QSER1: variants seen among roughly 807,000 people sequenced by gnomAD.
QSER1 encodes glutamine and serine rich 1.
A neutral mutation model predicts 158.5 loss-of-function variants in QSER1; 49 were observed. The observed-to-expected ratio is 0.31, with a 90% CI of 0.25 to 0.39. The LOEUF (loss-of-function observed/expected upper bound fraction) is 0.39, where lower values mean the gene tolerates loss of function less well. Among genes scored for constraint, QSER1 ranks in the 10% least tolerant of loss-of-function variants. QSER1 has a pLI of 1.00. For synonymous variants in QSER1, 650 were observed against 715.5 expected, an observed-to-expected ratio of 0.91 and a Z score of 1.46; for missense variants, 1,754 against 2,010.3, an observed-to-expected ratio of 0.87 and a Z score of 2.44.
At chr11:32,948,280 A>G (rs1852368145) in intron 4 of QSER1, among the ~76,000 whole-genome samples, 1 of 152,250 alleles carries the variant, frequency 6.6e-6, no homozygotes, top group African/African-American at 2.4e-5. Context: ...CATTCACTGG[A>G]AAGCAAGAAA....
At chr11:32,927,595 G>A (rs1285866029) in intron 2 of QSER1, among the ~76,000 whole-genome samples, 1 of 152,084 alleles carries the variant, frequency 6.6e-6, no homozygotes, top group Non-Finnish European at 1.5e-5. Flanking sequence ...TTTTAGTAGA[G>A]GCGGGGTTTC....
chr11:32,911,955 T>G (rs1851772268), intron 1 of QSER1, among the ~76,000 whole-genome samples: 1 of 152,202 alleles, frequency 6.6e-6, no homozygotes, highest in Admixed American at 6.5e-5. Context: ...GATTTGCAGA[T>G]AAGTAACATC....
chr11:32,947,196 C>T (rs992564911), intron 4 of QSER1, among the ~76,000 whole-genome samples: 6 of 152,210 alleles, frequency 3.9e-5, no homozygotes, highest in African/African-American at 9.6e-5. Flanking sequence ...TCTTCTGCGT[C>T]GCTCAGGCTG....
intron 1 of QSER1, among the ~76,000 whole-genome samples, chr11:32,925,502 A>T (rs914332756): frequency 2.2e-4 from 22 of 99,376 alleles, no homozygotes; most frequent in Admixed American, 8.8e-4. Flanking sequence ...TTTTTTATTT[A>T]TTTATTTATT....
At chr11:32,903,098 C>G (rs1264860834) in intron 1 of QSER1, among the ~76,000 whole-genome samples, 1 of 152,082 alleles carries the variant, frequency 6.6e-6, no homozygotes, top group Admixed American at 6.5e-5. Context: ...GATGTTGGGT[C>G]TTTGGGATTT....
At chr11:32,975,399 T>TA (rs1249093267) in intron 12 of QSER1, 56 bp downstream of exon 12, 15 of 1,594,900 alleles carry the variant, frequency 9.4e-6, no homozygotes, top group Non-Finnish European at 1.3e-5. Context: ...AAGGAGACTC[T>TA]AGCCATAGTA....
rs112693833 is a variant in QSER1 at position 32,937,781 on chromosome 11, A to T, written c.4177+2346A>T. Among the ~76,000 whole-genome samples the T allele has an allele frequency of 4.2e-3, 634 of 152,326 alleles. 3 individuals carry two copies. Among genetic ancestry groups the T allele is most frequent in the African/African-American group, 0.014 (579 of 41,570 alleles). ...CTTTCCACTGTCCCTCTGCTGTGAC[A>T]ATTGAATTTTTCATTGTTTCTTGGA... On this transcript the variant is annotated intron_variant, in intron 4 of 12. Coordinates refer to ENST00000650167, the MANE Select transcript of QSER1 (RefSeq NM_001076786.3).
rs61685246 is a variant in QSER1 at position 32,913,179 on chromosome 11, C to CTTTTT, written c.210-13953_210-13949dup. Among the ~76,000 whole-genome samples, 32 of 54,348 alleles carry CTTTTT rather than the reference C, an allele frequency of 5.9e-4. 5 individuals are homozygous for CTTTTT. The highest frequency in any genetic ancestry group is 1.2e-3 in the African/African-American group (16 of 13,326). The allele number at this position is 54,348 out of a possible 152,430, so 35.7% of individuals were successfully genotyped here. A position where few individuals can be genotyped will look rare whatever the true frequency, so the allele number is the denominator to read the frequency against. On this transcript the variant is annotated intron_variant, in intron 1 of 12. Transcript: ENST00000650167. ...TTTCCCTGGATAATTTCTCCTCTTC[C>CTTTTT]TTTTTTTTTTTTTTTTTTTTTTTTT...
chr11:32,931,642 A>T, intron 3 of QSER1, 101 bp from the exon 4 acceptor site: 1 of 924,336 alleles, frequency 1.1e-6, no homozygotes, highest in Non-Finnish European at 1.6e-6. Flanking sequence ...TTTCAGTCTT[A>T]AGACATTTTG....
intron 4 of QSER1, among the ~76,000 whole-genome samples, chr11:32,941,132 T>A (rs940821905): frequency 2.6e-5 from 4 of 151,778 alleles, no homozygotes; most frequent in Admixed American, 2.6e-4. Context: ...GCTTATTATT[T>A]CAGTTTTGAT....
intron 8 of QSER1, among the ~76,000 whole-genome samples, chr11:32,959,215 A>G (rs917621787): frequency 6.6e-6 from 1 of 152,224 alleles, no homozygotes; most frequent in Non-Finnish European, 1.5e-5. Flanking sequence ...GCATATTTCC[A>G]TACAGTTGCT....
At position 32,969,075 on chromosome 11, in the gene QSER1, A is replaced by G; in HGVS notation, c.5137A>G (p.Ile1713Val). Residue 1713 changes from isoleucine (I) to valine (V), a missense_variant, in exon 10 of 13, where the codon ATA becomes GTA. This residue lies in a region of QSER1 where 1,707 missense variants were observed against 1,919.6 expected (regional missense o/e 0.89). Coordinates refer to ENST00000650167, the MANE Select transcript of QSER1 (RefSeq NM_001076786.3). ...GCTACTTTTACCTCATATGAAAAAA[A>G]TAGATGGCATGCTAAATGATAACCG... ...DELLLPHMKK[I>V]DGMLNDNRKR... The G allele has an allele frequency of 6.3e-7, 1 of 1,594,326 alleles. No individual in the cohort carries two copies. The highest frequency in any genetic ancestry group is 8.6e-7 in the Non-Finnish European group (1 of 1,168,934).
rs1240727280 is a variant in QSER1, at chr11:32,968,965, T to C, written c.5108-81T>C. Reference sequence around the variant, plus strand: ...AATGAATTTAGTGTATTTTAATATATAAATGTTTTGAGAAAAAGTTGGATT... The same window carrying C: ...AATGAATTTAGTGTATTTTAATATACAAATGTTTTGAGAAAAAGTTGGATT... On this transcript the variant is annotated intron_variant, in intron 9 of 12. Coordinates refer to ENST00000650167, the MANE Select transcript of QSER1 (RefSeq NM_001076786.3). 8.2e-6 allele frequency: 6 copies of C among 730,914 alleles called. No homozygotes were observed. In the East Asian group the frequency reaches 1.8e-4, roughly 21 times the overall value. The allele number at this position is 730,914 out of a possible 1,614,324, so 45.3% of individuals were successfully genotyped here. A position where few individuals can be genotyped will look rare whatever the true frequency, so the allele number is the denominator to read the frequency against.
intron 4 of QSER1, 74 bp downstream of exon 4, chr11:32,935,509 T>C: frequency 1.8e-6 from 2 of 1,136,696 alleles, no homozygotes; most frequent in East Asian, 2.4e-5. Flanking sequence ...ATTTTAAGCT[T>C]TTTTCACTTA....
At chr11:32,957,247 T>C (rs1852535178) in intron 7 of QSER1, among the ~76,000 whole-genome samples, 1 of 151,174 alleles carries the variant, frequency 6.6e-6, no homozygotes, top group Non-Finnish European at 1.5e-5. Context: ...GTTCAAGCGA[T>C]TCTCCTGCCT....
intron 1 of QSER1, among the ~76,000 whole-genome samples, chr11:32,896,700 T>G (rs1019345868): frequency 6.6e-6 from 1 of 152,192 alleles, no homozygotes; most frequent in Non-Finnish European, 1.5e-5. Flanking sequence ...GTTTTTTGCC[T>G]TTCTAACTTG....
At chr11:32,958,961 T>C (rs1205850215) in intron 8 of QSER1, among the ~76,000 whole-genome samples, 3 of 152,210 alleles carry the variant, frequency 2.0e-5, no homozygotes, top group Admixed American at 6.5e-5. Context: ...TTAAAAATTA[T>C]TGAGGATCCT....
Position 32,933,796 on chromosome 11 carries a change from G to A in QSER1, c.2538G>A (p.Gln846=), listed in dbSNP as rs759108891. The change falls in exon 4 of 13, where the codon CAG becomes CAA. Residue 846 remains glutamine, a synonymous_variant. Transcript: ENST00000650167. The part of the protein sequence containing the change: ...IPNHALGHGH[Q]ASLPNTQVLL... ...ATCATGCTTTAGGGCATGGCCATCA[G>A]GCATCTCTTCCTAATACACAGGTCC... 9 of 1,613,794 alleles carry A rather than the reference G, an allele frequency of 5.6e-6. No homozygotes were observed. The African/African-American group carries it at 6.7e-5, about 12-fold the overall frequency.
Position 32,932,853 on chromosome 11 carries a change from C to G in QSER1, c.1595C>G (p.Ser532Cys), listed in dbSNP as rs1852073403. ...TCATCTAATCAGCAAGAGGTATTGT[C>G]TTCAGTTACAAATGAGAATTACCCT... The part of the protein sequence containing the change: ...NYSSNQQEVL[S>C]SVTNENYPAQ... The change falls in exon 4 of 13, where the codon TCT (serine) becomes TGT (cysteine). Residue 532 changes from serine to cysteine, a missense_variant. Physicochemically the swap from Ser to Cys is moderately radical, Grantham distance 112. Coordinates refer to ENST00000650167, the MANE Select transcript of QSER1 (RefSeq NM_001076786.3). 1.2e-6 allele frequency: 2 copies of G among 1,613,920 alleles called. No homozygotes were observed. The highest frequency in any genetic ancestry group is 3.3e-5 in the Admixed American group (2 of 59,980).
Sources: allele counts gnomAD v4.1 joint callset (sites outside exome capture counted in the v4.1 genomes callset), GRCh38; gene constraint gnomAD v4.1.1; regional missense constraint gnomAD v4.1.1; transcripts MANE v1.5; gene names NCBI Gene and HGNC (gene_info 2026-07-23, HGNC 2026-07-21).